Variants in TMA7 observed in about 807,000 individuals in gnomAD.
TMA7 encodes translation machinery-associated protein 7.
Under a neutral mutation model 12.5 loss-of-function variants are expected in TMA7, and 5 were observed. The observed-to-expected ratio is 0.40, with a 90% confidence interval of 0.21 to 0.84. The LOEUF (loss-of-function observed/expected upper bound fraction) is 0.84. TMA7 is among the 40% of genes least tolerant of loss of function. The pLI is 0.36. For missense variants in TMA7, 71 were observed against 75.4 expected (o/e 0.94, Z 0.22); for synonymous variants, 36 against 28.1 (o/e 1.28, Z -0.89).
chr3:48,442,699 C>T (rs1044856608), intron 3 of TMA7, among the ~76,000 whole-genome samples: 9 of 152,050 alleles, frequency 5.9e-5, no homozygotes, highest in Non-Finnish European at 1.0e-4. Context: ...ATCCACCCGC[C>T]TCCACCTCCC....
intron 3 of TMA7, 198 bp downstream of exon 3, chr3:48,440,826 C>T (rs1047466696): frequency 3.3e-6 from 2 of 608,776 alleles, no homozygotes; most frequent in Admixed American, 3.0e-5. Flanking sequence ...GGTCTCCTGC[C>T]TCCCAGGCAG....
In TMA7 at chr3:48,442,004, C is replaced by A. The variant is rs1009010615; in HGVS notation, c.160+1376C>A. 2.1e-5 allele frequency among the ~76,000 whole-genome samples: 3 copies of A among 144,246 alleles called. No homozygotes were observed. In the East Asian group the frequency reaches 6.2e-4, roughly 30 times the overall value. The allele number at this position is 144,246 out of a possible 152,430, so 94.6% of individuals were successfully genotyped here. ...ATCCAAGTGCTTTGGGAGGCCTAAG[C>A]AGGAGGATTATTTAAGGCTAGGAGT... On this transcript the variant is annotated intron_variant, in intron 3 of 3. Transcript: ENST00000438607.
chr3:48,443,630 T>C (rs1021288423), intron 3 of TMA7, among the ~76,000 whole-genome samples: 1 of 151,980 alleles, frequency 6.6e-6, no homozygotes, highest in Admixed American at 6.6e-5. Context: ...GAAGTGTAGA[T>C]CTAGACCAGT....
intron 3 of TMA7, 196 bp downstream of exon 3, chr3:48,440,824 G>C (rs1221377134): frequency 4.9e-6 from 3 of 609,092 alleles, no homozygotes; most frequent in Non-Finnish European, 8.8e-6. Flanking sequence ...GAGGTCTCCT[G>C]CCTCCCAGGC....
chr3:48,442,841 T>C (rs1443851381), intron 3 of TMA7, among the ~76,000 whole-genome samples: 7 of 152,174 alleles, frequency 4.6e-5, no homozygotes, highest in South Asian at 2.1e-4. Context: ...AGGATCATAA[T>C]ATGGAAGGTA....
At chr3:48,442,757 A>G (rs544601409) in intron 3 of TMA7, among the ~76,000 whole-genome samples, 19 of 152,146 alleles carry the variant, frequency 1.2e-4, no homozygotes, top group African/African-American at 4.1e-4. Context: ...GCCCAATCCT[A>G]TGCTGTTTCT....
chr3:48,440,347 G>A, intron 1 of TMA7, 35 bp downstream of exon 1: 2 of 1,611,800 alleles, frequency 1.2e-6, no homozygotes, highest in Non-Finnish European at 1.7e-6. Flanking sequence ...CTGCGGGGAC[G>A]GCGGGGTGGG....
At chr3:48,441,234 T>C (rs1307356440) in intron 3 of TMA7, among the ~76,000 whole-genome samples, 5 of 152,092 alleles carry the variant, frequency 3.3e-5, no homozygotes, top group Non-Finnish European at 5.9e-5. Flanking sequence ...TTAGTAGAGA[T>C]GGGGTTTCAC....
chr3:48,440,798 G>A (rs994464226), intron 3 of TMA7, 170 bp downstream of exon 3: 33 of 652,446 alleles, frequency 5.1e-5, no homozygotes, highest in Non-Finnish European at 7.2e-5. Context: ...GGCAGTAAGG[G>A]CCGGGAGCTG....
chr3:48,443,823 A>G (rs768501916), intron 3 of TMA7, 25 bp from the exon 4 acceptor site: 1 of 1,550,048 alleles, frequency 6.5e-7, no homozygotes, highest in South Asian at 1.2e-5. Context: ...ATTTTTCCCT[A>G]ATTGTGACTA....
At chr3:48,442,094 T>TGGCGGC (rs918372289) in intron 3 of TMA7, among the ~76,000 whole-genome samples, 2 of 152,034 alleles carry the variant, frequency 1.3e-5, no homozygotes, top group African/African-American at 4.8e-5. Flanking sequence ...GTGGTGGTGG[T>TGGCGGC]GGCGGCCCGT....
chr3:48,442,731 T>G (rs1290142896), intron 3 of TMA7, among the ~76,000 whole-genome samples: 1 of 152,090 alleles, frequency 6.6e-6, no homozygotes, highest in Non-Finnish European at 1.5e-5. Context: ...ATTACAGGCG[T>G]GAGCCACCGC....
intron 3 of TMA7, among the ~76,000 whole-genome samples, chr3:48,443,051 C>T (rs953647431): frequency 2.6e-5 from 4 of 151,658 alleles, no homozygotes; most frequent in Non-Finnish European, 4.4e-5. Flanking sequence ...ACCTGCCTGG[C>T]CAACATGGTC....
chr3:48,442,260 CAAAAAA>C (rs199829895), intron 3 of TMA7, among the ~76,000 whole-genome samples: 12 of 131,840 alleles, frequency 9.1e-5, no homozygotes, highest in Non-Finnish European at 1.7e-4. Context: ...GACCCTATCT[CAAAAAA>C]AAAAAAAAAA....
At position 48,440,475 on chromosome 3, in the gene TMA7, A is replaced by AGGCACTGGCGGGTGCGGG. The variant is rs760096856; in HGVS notation, c.72+21_72+38dup. ...ATGGACGAGGTGAGGGCGGGCGCGGAGGCACTGGCGGGTGCGGGGGCGCTG... is the reference window on the plus strand; with the variant it reads ...ATGGACGAGGTGAGGGCGGGCGCGGAGGCACTGGCGGGTGCGGGGGCACTGGCGGGTGCGGGGGCGCTG... On this transcript the variant is annotated intron_variant, in intron 2 of 3. Transcript: ENST00000438607. 1.2e-6 allele frequency: 2 copies of AGGCACTGGCGGGTGCGGG among 1,610,690 alleles called. No homozygotes were observed. Among genetic ancestry groups the AGGCACTGGCGGGTGCGGG allele is most frequent in the Non-Finnish European group, 1.7e-6 (2 of 1,179,184 alleles).
chr3:48,440,496 C>A, intron 2 of TMA7, 38 bp downstream of exon 2: 2 of 1,598,042 alleles, frequency 1.3e-6, no homozygotes, highest in Non-Finnish European at 1.7e-6. Flanking sequence ...GGTGCGGGGG[C>A]GCTGGGAGAC....
intron 3 of TMA7, among the ~76,000 whole-genome samples, chr3:48,442,567 T>G (rs1255943722): frequency 6.6e-6 from 1 of 151,128 alleles, no homozygotes; most frequent in Non-Finnish European, 1.5e-5. Flanking sequence ...TTCTCCTGCC[T>G]CAGCCTCCTG....
At position 48,440,313 on chromosome 3, in the gene TMA7, G is replaced by A. The variant is rs774713655; in HGVS notation, c.16+1G>A. 5.6e-6 allele frequency: 9 copies of A among 1,609,972 alleles called. No homozygotes were observed. The East Asian group carries it at 1.3e-4, about 24-fold the overall frequency. On this transcript the variant is annotated splice_donor_variant, in intron 1 of 3. Transcript: ENST00000438607. LOFTEE classifies it high-confidence loss of function. ...GCAGGCGCCATGTCCGGCCGCGAAG[G>A]TAAGTGTTCCGGAACCGTGAGGACT...
intron 3 of TMA7, among the ~76,000 whole-genome samples, chr3:48,441,342 C>T (rs2107164797): frequency 6.6e-6 from 1 of 151,942 alleles, no homozygotes; most frequent in South Asian, 2.1e-4. Flanking sequence ...CCGCACCTGG[C>T]CAGTTTTTTT....
Sources: gnomAD v4.1 joint callset for allele counts (sites outside exome capture counted in the v4.1 genomes callset) on GRCh38, gnomAD v4.1.1 for gene constraint, MANE v1.5 for transcripts, NCBI Gene and HGNC (gene_info 2026-07-23, HGNC 2026-07-21) for gene names.